The following CLPTM1L variants were observed in gnomAD, a reference collection of about 807,000 sequenced individuals.
The protein encoded by CLPTM1L is lipid scramblase CLPTM1L.
Under a neutral mutation model 70.9 loss-of-function variants are expected in CLPTM1L, and 38 were observed. The ratio of observed to expected loss-of-function variants is 0.54; its 90% CI spans 0.41 to 0.70. CLPTM1L has a LOEUF of 0.70. Among genes scored for constraint, CLPTM1L ranks in the 30% least tolerant of loss-of-function variants. The pLI is 0.00. For missense variants in CLPTM1L, 652 were observed against 705.9 expected, an observed-to-expected ratio of 0.92 and a Z score of 0.87; for synonymous variants, 339 against 299.9, an observed-to-expected ratio of 1.13 and a Z score of -1.35.
intron 16 of CLPTM1L, 32 bp downstream of exon 16, chr5:1,320,584 A>C: frequency 7.9e-7 from 1 of 1,259,870 alleles, no homozygotes. Flanking sequence ...GCTGAGACGG[A>C]GCAACGGCCG....
chr5:1,336,125 C>T (rs1472834287), intron 5 of CLPTM1L, among the ~76,000 whole-genome samples: 12 of 152,240 alleles, frequency 7.9e-5, no homozygotes, highest in Non-Finnish European at 1.5e-5. Flanking sequence ...GGCATCAGTG[C>T]ACATGGATGG....
intron 4 of CLPTM1L, among the ~76,000 whole-genome samples, chr5:1,338,591 C>G (rs1753733100): frequency 6.6e-6 from 1 of 152,268 alleles, no homozygotes; most frequent in Non-Finnish European, 1.5e-5. Flanking sequence ...CCGTTCCCAT[C>G]AGCGCCTTCC....
At chr5:1,327,044 T>TACAGGGACATTCCACCCAGCTCCTCCTCG (rs1752635211) in intron 9 of CLPTM1L, among the ~76,000 whole-genome samples, 4 of 146,222 alleles carry the variant, frequency 2.7e-5, no homozygotes, top group East Asian at 2.1e-4. Context: ...GCTCCTCCTC[T>TACAGGGACATTCCACCCAGCTCCTCCTCG]ACAGGGACAT....
chr5:1,341,602 G>A, intron 3 of CLPTM1L, 69 bp downstream of exon 3: 1 of 1,380,408 alleles, frequency 7.2e-7, no homozygotes, highest in Non-Finnish European at 9.9e-7. Context: ...GCCCACCTGT[G>A]TGGAGAAAGA....
intron 9 of CLPTM1L, among the ~76,000 whole-genome samples, chr5:1,328,782 C>A: frequency 7.1e-6 from 1 of 139,962 alleles, no homozygotes. Context: ...TCCAGATCCT[C>A]CTCTACAGAC....
intron 7 of CLPTM1L, among the ~76,000 whole-genome samples, chr5:1,333,906 G>A (rs1264286735): frequency 6.6e-6 from 1 of 152,086 alleles, no homozygotes; most frequent in Non-Finnish European, 1.5e-5. Flanking sequence ...AGGCTGCCCA[G>A]CTCCGCCCCT....
intron 9 of CLPTM1L, among the ~76,000 whole-genome samples, chr5:1,328,865 T>C (rs1752854699): frequency 6.6e-6 from 1 of 151,502 alleles, no homozygotes; most frequent in Non-Finnish European, 1.5e-5. Context: ...TTCATCCAGC[T>C]CCTCCTCTAC....
intron 6 of CLPTM1L, 57 bp from the exon 7 acceptor site, chr5:1,334,440 A>G (rs553484518): frequency 2.9e-4 from 358 of 1,223,930 alleles, no homozygotes; most frequent in Non-Finnish European, 3.1e-4. Flanking sequence ...CTTACCTAAC[A>G]TTACAAATAC....
chr5:1,329,490 G>C (rs1752926848), intron 9 of CLPTM1L, among the ~76,000 whole-genome samples: 1 of 148,818 alleles, frequency 6.7e-6, no homozygotes, highest in Non-Finnish European at 1.5e-5. Context: ...TCTCTGCTTG[G>C]TGGACAGAGC....
rs373670676 is a variant in CLPTM1L at position 1,339,842 on chromosome 5, C to T, written c.454-837G>A. ...ACTGTGCTCGGGACAGCAGGGTCAG[C>T]GCCCTAACCTGTGAACAGATGGCCA... On this transcript the variant is annotated intron_variant, in intron 3 of 16. Transcript: ENST00000320895. Among the ~76,000 whole-genome samples the T allele has an allele frequency of 5.9e-5, 7 of 117,932 alleles. No homozygotes were observed. The East Asian group carries it at 1.7e-3, about 29-fold the overall frequency. 77.4% of individuals were successfully genotyped at this position (117,932 alleles called of 152,430 possible). A position where few individuals can be genotyped will look rare whatever the true frequency, so the allele number is the denominator to read the frequency against.
At position 1,329,018 on chromosome 5, in the gene CLPTM1L, T is replaced by G. The variant is rs746922477; in HGVS notation, c.1080+1262A>C. ...GAGACATTGCATCCAGCTCCTCCTC[T>G]ACAGGCATGACGGCCGCAGAGGCCC... On this transcript the variant is annotated intron_variant, in intron 9 of 16. Transcript: ENST00000320895. Among the ~76,000 whole-genome samples the G allele has an allele frequency of 1.1e-3, 174 of 151,868 alleles. 1 individual carries two copies. Among genetic ancestry groups the G allele is most frequent in the Middle Eastern group, 3.4e-3 (1 of 294 alleles).
chr5:1,322,548 T>C (rs428499), intron 13 of CLPTM1L, among the ~76,000 whole-genome samples: 121,432 of 152,274 alleles, frequency 0.8, 48,492 homozygotes, highest in Non-Finnish European at 0.81. Context: ...CACCACACAA[T>C]GCTGTTTTCA....
chr5:1,342,266 A>C lies in CLPTM1L; in HGVS notation c.264-406T>G, dbSNP rs542931547. Among the ~76,000 whole-genome samples, 2 of 152,322 alleles carry C rather than the reference A, an allele frequency of 1.3e-5. No homozygotes were observed. The highest frequency in any genetic ancestry group is 2.1e-4 in the South Asian group (1 of 4,826). ...ACCCAACTCCGAAGCGACAGAAGGG[A>C]AGGGCAGCAGCCACGAGGGCTCCAG... On this transcript the variant is annotated intron_variant, in intron 2 of 16. Transcript: ENST00000320895. The surrounding 1 kb of genome is among the most constrained non-coding windows in gnomAD (Gnocchi z 4.3).
chr5:1,334,943 C>G, intron 6 of CLPTM1L, 114 bp downstream of exon 6: 1 of 704,904 alleles, frequency 1.4e-6, no homozygotes, highest in Non-Finnish European at 2.5e-6. Context: ...AACGTCTGTG[C>G]AAGGATCTGC....
chr5:1,337,892 G>A lies in CLPTM1L; in HGVS notation c.678+12C>T, dbSNP rs773430146. 152 of 1,583,026 alleles carry A rather than the reference G, an allele frequency of 9.6e-5. No homozygotes were observed. Among genetic ancestry groups the A allele is most frequent in the Non-Finnish European group, 1.2e-4 (144 of 1,166,296 alleles). On this transcript the variant is annotated intron_variant, in intron 5 of 16. Transcript: ENST00000320895. ...GCCAGCTGCACAACCAGCGGGCAGA[G>A]GTGTCACTCACCATCAGGTCCTTCA...
At position 1,331,839 on chromosome 5, in the gene CLPTM1L, C is replaced by G. The variant is rs375454190; in HGVS notation, c.936G>C (p.Trp312Cys). ...TGCCGATCATGCTCTTCTTCTTCTTCCAGAAACTGATGTCATTTTTAAAGG... is the reference window on the plus strand; with the variant it reads ...TGCCGATCATGCTCTTCTTCTTCTTGCAGAAACTGATGTCATTTTTAAAGG... Reference protein sequence around the residue: ...FLAFKNDISFWKKKKSMIGMS... With the variant: ...FLAFKNDISFCKKKKSMIGMS... The change falls in exon 8 of 17, where the codon TGG (tryptophan) becomes TGC (cysteine). Residue 312 changes from tryptophan (W) to cysteine (C), a missense_variant. By Grantham distance (215) the Trp-to-Cys change is radical. Coordinates refer to ENST00000320895, the MANE Select transcript of CLPTM1L (RefSeq NM_030782.5). The G allele has an allele frequency of 6.2e-7, 1 of 1,613,328 alleles. No homozygotes were observed. Among genetic ancestry groups the G allele is most frequent in the Non-Finnish European group, 8.5e-7 (1 of 1,179,998 alleles).
In CLPTM1L at chr5:1,337,896, T is replaced by C. The variant is rs762699331; in HGVS notation, c.678+8A>G. 1.9e-6 allele frequency: 3 copies of C among 1,586,280 alleles called. No homozygotes were observed. The Admixed American group carries it at 5.6e-5, about 30-fold the overall frequency. On this transcript the variant is annotated splice_region_variant and intron_variant, in intron 5 of 16. Transcript: ENST00000320895. ...GCTGCACAACCAGCGGGCAGAGGTG[T>C]CACTCACCATCAGGTCCTTCACGCG...
intron 9 of CLPTM1L, among the ~76,000 whole-genome samples, chr5:1,328,666 T>TCTACA (rs1752821658): frequency 9.1e-6 from 1 of 109,832 alleles, no homozygotes; most frequent in South Asian, 3.1e-4. Context: ...TCCAGCTCCT[T>TCTACA]GTCTACAGAC....
chr5:1,328,972 TCATACAGCTCCTCCTCTACAGAGACATTG>T (rs1561237776), intron 9 of CLPTM1L, among the ~76,000 whole-genome samples: 7 of 148,462 alleles, frequency 4.7e-5, no homozygotes, highest in African/African-American at 7.4e-5. Context: ...CAGACACATT[TCATACAGCTCCTCCTCTACAGAGACATTG>T]CATCCAGCTC....
Sources: gnomAD v4.1 joint callset for allele counts (sites outside exome capture counted in the v4.1 genomes callset) on GRCh38, gnomAD v4.1.1 for gene constraint, Gnocchi (gnomAD v3.1) non-coding constraint, MANE v1.5 for transcripts, NCBI Gene and HGNC (gene_info 2026-07-23, HGNC 2026-07-21) for gene names.